The following LIN52 variants were observed in gnomAD, a reference collection of about 807,000 sequenced individuals.
LIN52 encodes the protein lin-52 DREAM MuvB core complex component, also known as protein lin-52 homolog.
LIN52 carries 4 observed loss-of-function variants against 18.5 expected under a neutral mutation model. The observed-to-expected ratio is 0.22, with a 90% CI of 0.11 to 0.49. The LOEUF is 0.49. LIN52 is among the 20% of genes least tolerant of loss of function. The pLI is 0.97. For synonymous variants in LIN52, 34 were observed against 45.5 expected, an observed-to-expected ratio of 0.75 and a Z score of 1.02; for missense variants, 102 against 139.5, an observed-to-expected ratio of 0.73 and a Z score of 1.35.
At chr14:74,099,787 C>A (rs1446005886) in intron 4 of LIN52, among the ~76,000 whole-genome samples, 1 of 152,010 alleles carries the variant, frequency 6.6e-6, no homozygotes, top group Non-Finnish European at 1.5e-5. Flanking sequence ...TGAGTCAGTT[C>A]CTGGGTGGGG....
chr14:74,124,419 G>A (rs548858118), intron 5 of LIN52, among the ~76,000 whole-genome samples: 9 of 152,206 alleles, frequency 5.9e-5, no homozygotes, highest in East Asian at 1.9e-4. Context: ...AGAAACATTC[G>A]TGAATTTAAT....
rs1022661439 is a variant in LIN52, at chr14:74,095,706, G to C, written c.95-242G>C. ...TCCTGGTCCTTCCAAGTTCAGTTGA[G>C]GCATTATTTTCCTTGAGAAGCTTTT... On this transcript the variant is annotated intron_variant, in intron 2 of 5. Transcript: ENST00000555028. Among the ~76,000 whole-genome samples the C allele has an allele frequency of 2.0e-5, 3 of 152,170 alleles. No homozygotes were observed. In the East Asian group the frequency reaches 5.8e-4, roughly 29 times the overall value.
intron 5 of LIN52, among the ~76,000 whole-genome samples, chr14:74,183,824 C>G (rs938331961): frequency 6.6e-6 from 1 of 151,980 alleles, no homozygotes; most frequent in Non-Finnish European, 1.5e-5. Context: ...CCAGAAGATC[C>G]CCCCTTTTTT....
In LIN52 at chr14:74,168,025, T is replaced by C. The variant is rs146862025; in HGVS notation, c.284-30897T>C. On this transcript the variant is annotated intron_variant, in intron 5 of 5. Transcript: ENST00000555028. ...CACTCTTGGAAGAACTTTCCAAATG[T>C]CCAAGAATTAAATGGACCCTCAAGA... Among the ~76,000 whole-genome samples, 389 of 152,354 alleles carry C rather than the reference T, an allele frequency of 2.6e-3. 3 individuals are homozygous for C. The highest frequency in any genetic ancestry group is 0.01 in the Middle Eastern group (3 of 294).
At chr14:74,130,688 C>G (rs2061061035) in intron 5 of LIN52, among the ~76,000 whole-genome samples, 1 of 140,882 alleles carries the variant, frequency 7.1e-6, no homozygotes, top group Non-Finnish European at 1.5e-5. Context: ...CCGGAAGGTT[C>G]AAGTGATTCT....
At chr14:74,175,748 A>ACCC (rs1555384663) in intron 5 of LIN52, among the ~76,000 whole-genome samples, 1 of 98,738 alleles carries the variant, frequency 1.0e-5, no homozygotes, top group African/African-American at 3.5e-5. Flanking sequence ...ACACACACAC[A>ACCC]CACCCCCATT....
At chr14:74,103,873 C>G (rs181578979) in intron 5 of LIN52, among the ~76,000 whole-genome samples, 137 of 149,178 alleles carry the variant, frequency 9.2e-4, no homozygotes, top group African/African-American at 3.3e-3. Flanking sequence ...CAGGCACATA[C>G]CACTGTGCCT....
At chr14:74,183,198 C>T (rs570922582) in intron 5 of LIN52, among the ~76,000 whole-genome samples, 13 of 151,654 alleles carry the variant, frequency 8.6e-5, no homozygotes, top group East Asian at 1.9e-4. Context: ...CCCGGGTTCA[C>T]GCTATTCTCC....
At chr14:74,164,472 G>T (rs1043056823) in intron 5 of LIN52, among the ~76,000 whole-genome samples, 1 of 151,780 alleles carries the variant, frequency 6.6e-6, no homozygotes, top group East Asian at 1.9e-4. Flanking sequence ...TTTTGGTAGA[G>T]ACAGGGTTTC....
rs1432892860 is a variant in LIN52 at position 74,093,388 on chromosome 14, G to A, written c.94+2082G>A. Among the ~76,000 whole-genome samples, 5 of 138,290 alleles carry A rather than the reference G, an allele frequency of 3.6e-5. 1 individual carries two copies. The South Asian group carries it at 6.7e-4, about 19-fold the overall frequency. The allele number at this position is 138,290 out of a possible 152,430, so 90.7% of individuals were successfully genotyped here. ...TCCCCAGGCTGTGCAGTATAATGGT[G>A]CAGTCTTGGCTCACAGCAACCTCTG... On this transcript the variant is annotated intron_variant, in intron 2 of 5. Transcript: ENST00000555028.
intron 5 of LIN52, among the ~76,000 whole-genome samples, chr14:74,103,033 T>C (rs1042936663): frequency 1.3e-5 from 2 of 152,120 alleles, no homozygotes; most frequent in African/African-American, 2.4e-5. Context: ...CCGAGTAACT[T>C]TGTATGTGTT....
At chr14:74,132,726 C>G (rs944693965) in intron 5 of LIN52, among the ~76,000 whole-genome samples, 1 of 152,136 alleles carries the variant, frequency 6.6e-6, no homozygotes, top group African/African-American at 2.4e-5. Flanking sequence ...CCAGGATGGT[C>G]TCGATCTTTT....
intron 5 of LIN52, among the ~76,000 whole-genome samples, chr14:74,146,563 C>T (rs1483787729): frequency 6.6e-6 from 1 of 152,106 alleles, no homozygotes; most frequent in African/African-American, 2.4e-5. Context: ...AGAAAGCCCA[C>T]AGATATTAAA....
chr14:74,164,121 A>G (rs2139567972), intron 5 of LIN52, among the ~76,000 whole-genome samples: 1 of 151,984 alleles, frequency 6.6e-6, no homozygotes, highest in African/African-American at 2.4e-5. Context: ...AGCTGGGACT[A>G]CAGGTGCCCG....
rs1432040926 is a variant in LIN52, at chr14:74,175,741, CA to C, written c.284-23180del. 4.4e-4 allele frequency among the ~76,000 whole-genome samples: 63 copies of C among 142,846 alleles called. 1 individual carries two copies. The highest frequency in any genetic ancestry group is 7.5e-4 in the Admixed American group (11 of 14,654). The allele number at this position is 142,846 out of a possible 152,430, so 93.7% of individuals were successfully genotyped here. On this transcript the variant is annotated intron_variant, in intron 5 of 5. Coordinates refer to ENST00000555028, the MANE Select transcript of LIN52 (RefSeq NM_001024674.3). ...ACACACACACACACACACACACACA[CA>C]CACACACACCCCCATTATACAGCTA...
At chr14:74,190,425 C>T (rs939659959) in intron 5 of LIN52, among the ~76,000 whole-genome samples, 1 of 117,400 alleles carries the variant, frequency 8.5e-6, no homozygotes, top group Non-Finnish European at 1.7e-5. Flanking sequence ...AGAGTCTTAC[C>T]CTGTCACCCA....
intron 5 of LIN52, 106 bp from the exon 6 acceptor site, chr14:74,198,815 CT>C: frequency 1.2e-6 from 1 of 836,572 alleles, no homozygotes; most frequent in Non-Finnish European, 1.9e-6. Flanking sequence ...GTGATAGCAA[CT>C]TGATATATAA....
At chr14:74,159,620 TAGAAGCA>T (rs2061215938) in intron 5 of LIN52, among the ~76,000 whole-genome samples, 1 of 149,638 alleles carries the variant, frequency 6.7e-6, no homozygotes, top group African/African-American at 2.5e-5. Flanking sequence ...TCACCCAGGC[TAGAAGCA>T]GTGGCATGAT....
intron 5 of LIN52, among the ~76,000 whole-genome samples, chr14:74,123,561 C>CT (rs1225625620): frequency 6.6e-6 from 1 of 152,034 alleles, no homozygotes; most frequent in African/African-American, 2.4e-5. Context: ...AATTTGGATC[C>CT]TTGATCCATA....
Sources: allele counts gnomAD v4.1 joint callset (sites outside exome capture counted in the v4.1 genomes callset), GRCh38; gene constraint gnomAD v4.1.1; transcripts MANE v1.5; gene names NCBI Gene and HGNC (gene_info 2026-07-23, HGNC 2026-07-21).